Variants in PCNX2 observed in about 807,000 individuals in gnomAD.
PCNX2 encodes the protein pecanex 2, also known as pecanex-like protein 2.
A neutral mutation model predicts 223.8 loss-of-function variants in PCNX2; 168 were observed. The observed-to-expected ratio is 0.75, with a 90% CI of 0.66 to 0.85. The LOEUF (loss-of-function observed/expected upper bound fraction) is 0.85, where lower values mean the gene tolerates loss of function less well. Among genes scored for constraint, PCNX2 ranks in the 40% least tolerant of loss-of-function variants. The probability of loss-of-function intolerance (pLI) is 0.00; values close to 1 mark genes in which losing one functional copy is unlikely to be tolerated. For missense variants in PCNX2, 2,507 were observed against 2,675.5 expected, an observed-to-expected ratio of 0.94 and a Z score of 1.39; for synonymous variants, 1,006 against 1,052.6, an observed-to-expected ratio of 0.96 and a Z score of 0.86.
the PCNX2 span, among the ~76,000 whole-genome samples, chr1:233,314,891 AG>A: frequency 2.0e-5 from 3 of 152,266 alleles, no homozygotes; most frequent in African/African-American, 7.2e-5. Context: ...GTAAAAGATT[AG>A]GAAGACTTCA....
At chr1:233,259,907 C>CA (rs1558401770) in intron 4 of PCNX2, 13 of 721,486 alleles carry the variant, frequency 1.8e-5, no homozygotes, top group Non-Finnish European at 2.0e-5. Context: ...TACAGTATAA[C>CA]AACTATATAT....
rs1045045834 is a variant in PCNX2 at position 232,984,265 on chromosome 1, G to A, written c.*39C>T. On this transcript the variant is annotated 3_prime_UTR_variant, in exon 34 of 34. Coordinates refer to ENST00000258229, the MANE Select transcript of PCNX2 (RefSeq NM_014801.4). ...CGAGGGAGAGCAATGCAGGTGGGAG[G>A]TGTGGGGGAGCCAGCCTCCCCGCCC... The A allele has an allele frequency of 4.6e-6, 7 of 1,536,628 alleles. No individual in the cohort carries two copies. Among genetic ancestry groups the A allele is most frequent in the Non-Finnish European group, 6.1e-6 (7 of 1,141,360 alleles).
chr1:233,261,200 A>C (rs900598811), intron 4 of PCNX2, 85 bp downstream of exon 4: 1 of 1,245,090 alleles, frequency 8.0e-7, no homozygotes, highest in Non-Finnish European at 1.2e-6. Context: ...TTTTCAATTA[A>C]TCCACTGGCA....
chr1:233,323,401 T>C, the PCNX2 span, among the ~76,000 whole-genome samples: 2 of 152,234 alleles, frequency 1.3e-5, no homozygotes, highest in African/African-American at 4.8e-5. Flanking sequence ...TCCTCCTGTA[T>C]ACAGGCATGC....
intron 15 of PCNX2, chr1:233,181,171 C>T (rs1679777736): frequency 2.0e-5 from 3 of 152,258 alleles, no homozygotes; most frequent in African/African-American, 7.2e-5. Flanking sequence ...CCCCTCTGCC[C>T]CGCCTATAAA....
At chr1:233,017,314 C>CTTTT (rs57419971) in intron 26 of PCNX2, among the ~76,000 whole-genome samples, 160 bp from the exon 27 acceptor site, 9 of 81,952 alleles carry the variant, frequency 1.1e-4, no homozygotes, top group South Asian at 5.0e-4. Flanking sequence ...CTAAAATGTC[C>CTTTT]TTTTTTTTTT....
chr1:233,183,344 TCCCCGGTACCTGGCACAAATGTTAGCA>T (rs1679911196), intron 15 of PCNX2, among the ~76,000 whole-genome samples: 1 of 152,138 alleles, frequency 6.6e-6, no homozygotes, highest in South Asian at 2.1e-4. Flanking sequence ...CATGTTTCTT[TCCCCGGTACCTGGCACAAATGTTAGCA>T]CCCTGACATA....
At chr1:232,996,377 A>G (rs931118520) in intron 32 of PCNX2, among the ~76,000 whole-genome samples, 2 of 152,212 alleles carry the variant, frequency 1.3e-5, no homozygotes, top group Admixed American at 1.3e-4. Flanking sequence ...CCCCACCTGG[A>G]AAGTCACTCC....
At chr1:233,011,153 T>A (rs1670454882) in intron 28 of PCNX2, among the ~76,000 whole-genome samples, 1 of 152,210 alleles carries the variant, frequency 6.6e-6, no homozygotes, top group Non-Finnish European at 1.5e-5. Context: ...ATAATCATAC[T>A]AAAAGATTAG....
chr1:233,281,513 A>G (rs1399663990), intron 1 of PCNX2, among the ~76,000 whole-genome samples: 1 of 152,232 alleles, frequency 6.6e-6, no homozygotes, highest in Non-Finnish European at 1.5e-5. Flanking sequence ...GTCAGTAACA[A>G]GAAATGAGGT....
intron 8 of PCNX2, among the ~76,000 whole-genome samples, chr1:233,243,840 A>AT (rs939571952): frequency 3.3e-4 from 42 of 128,638 alleles, no homozygotes; most frequent in African/African-American, 8.1e-4. Context: ...TTTATTTTTT[A>AT]TTTTTTTTTG....
chr1:233,145,122 G>A (rs1677366045), intron 19 of PCNX2, among the ~76,000 whole-genome samples: 1 of 151,598 alleles, frequency 6.6e-6, no homozygotes, highest in Non-Finnish European at 1.5e-5. Flanking sequence ...CTGCCACCAC[G>A]CCCGGCTAAT....
At chr1:233,272,370 T>C (rs1660684948) in intron 1 of PCNX2, among the ~76,000 whole-genome samples, 1 of 150,750 alleles carries the variant, frequency 6.6e-6, no homozygotes, top group Non-Finnish European at 1.5e-5. Flanking sequence ...GATATACAAA[T>C]GGCCAACAAG....
chr1:233,115,039 G>T (rs1370499943), intron 21 of PCNX2, among the ~76,000 whole-genome samples: 1 of 152,090 alleles, frequency 6.6e-6, no homozygotes, highest in Non-Finnish European at 1.5e-5. Flanking sequence ...TCCCACGTGG[G>T]AGAAAGAACT....
At position 233,259,066 on chromosome 1, in the gene PCNX2, A is replaced by G; in HGVS notation, c.796T>C (p.Leu266=). ...LPHLSLSQYD[L]LETDVSFQPW... ...TGGAAAGAAACGTCTGTTTCTAGTAAGTCATACTGAGACAAAGACAGGTGG... is the reference window on the plus strand; with the variant it reads ...TGGAAAGAAACGTCTGTTTCTAGTAGGTCATACTGAGACAAAGACAGGTGG... The change falls in exon 5 of 34, where the codon TTA becomes CTA. Residue 266 remains leucine, a synonymous_variant. Coordinates refer to ENST00000258229, the MANE Select transcript of PCNX2 (RefSeq NM_014801.4). 6.2e-7 allele frequency: 1 copy of G among 1,614,000 alleles called. No individual in the cohort carries two copies.
intron 25 of PCNX2, among the ~76,000 whole-genome samples, chr1:233,037,226 G>A (rs953307978): frequency 6.6e-6 from 1 of 152,170 alleles, no homozygotes; most frequent in East Asian, 1.9e-4. Context: ...GGATCGGCTT[G>A]TTGAACCACG....
intron 26 of PCNX2, chr1:233,019,141 C>G (rs16858520): frequency 0.1 from 103,342 of 985,210 alleles, 5,808 homozygotes; most frequent in East Asian, 0.25. Context: ...TTCCACTAAA[C>G]AACTGCAAAT....
intron 21 of PCNX2, among the ~76,000 whole-genome samples, chr1:233,098,133 C>T (rs985915671): frequency 3.3e-5 from 5 of 152,138 alleles, no homozygotes; most frequent in African/African-American, 1.2e-4. Flanking sequence ...ATGTATTGCC[C>T]CCAAATGCCC....
chr1:232,986,614 GGCCTGCTCT>G, intron 32 of PCNX2, 74 bp from the exon 33 acceptor site: 2 of 1,349,662 alleles, frequency 1.5e-6, no homozygotes, highest in Non-Finnish European at 2.0e-6. Flanking sequence ...TGCAGCAGGT[GGCCTGCTCT>G]GCCTGGGCCC....
Sources: gnomAD v4.1 joint callset for allele counts (sites outside exome capture counted in the v4.1 genomes callset) on GRCh38, gnomAD v4.1.1 for gene constraint, MANE v1.5 for transcripts, NCBI Gene and HGNC (gene_info 2026-07-23, HGNC 2026-07-21) for gene names.